Variants in FBXL17 observed in about 807,000 individuals in gnomAD.
FBXL17 encodes the protein F-box/LRR-repeat protein 17.
In FBXL17, 22 loss-of-function variants were observed where a neutral mutation model predicts 66.2. The observed-to-expected ratio is 0.33, with a 90% confidence interval of 0.24 to 0.47. The LOEUF (loss-of-function observed/expected upper bound fraction) is 0.47. Ranked by LOEUF, FBXL17 falls within the 20% of genes least tolerant of loss-of-function variation. FBXL17 has a pLI of 1.00. For synonymous variants in FBXL17, 474 were observed against 400.5 expected (o/e 1.18, Z -2.19); for missense variants, 878 against 948.2 (o/e 0.93, Z 0.97).
intron 7 of FBXL17, among the ~76,000 whole-genome samples, chr5:107,886,274 T>C (rs901246949): frequency 1.3e-5 from 2 of 151,908 alleles, no homozygotes; most frequent in African/African-American, 4.8e-5. Flanking sequence ...AATAAGAAAA[T>C]AGGAGAGGCA....
chr5:108,163,057 G>GA (rs1222473596), intron 6 of FBXL17, among the ~76,000 whole-genome samples: 1 of 152,044 alleles, frequency 6.6e-6, no homozygotes, highest in African/African-American at 2.4e-5. Flanking sequence ...AACTACATCA[G>GA]AAAAAAGTCA....
At chr5:108,094,431 AC>A (rs1313338138) in intron 6 of FBXL17, among the ~76,000 whole-genome samples, 1 of 152,146 alleles carries the variant, frequency 6.6e-6, no homozygotes, top group Non-Finnish European at 1.5e-5. Flanking sequence ...AGTGTTGAAC[AC>A]CATGTAACCA....
At chr5:107,952,996 G>A (rs1409665826) in intron 7 of FBXL17, among the ~76,000 whole-genome samples, 1 of 152,056 alleles carries the variant, frequency 6.6e-6, no homozygotes, top group Non-Finnish European at 1.5e-5. Context: ...CAGGTCAGAT[G>A]TACTTTTGTA....
intron 4 of FBXL17, among the ~76,000 whole-genome samples, chr5:108,276,769 A>G (rs562105198): frequency 6.6e-6 from 1 of 152,282 alleles, no homozygotes; most frequent in East Asian, 1.9e-4. Flanking sequence ...AAGACCACTC[A>G]AGAAAAAAAA....
intron 4 of FBXL17, among the ~76,000 whole-genome samples, chr5:108,237,448 G>A (rs1755656704): frequency 1.3e-5 from 2 of 152,262 alleles, no homozygotes; most frequent in Non-Finnish European, 2.9e-5. Context: ...AGAACCAAAA[G>A]CAAGTTTGAA....
intron 6 of FBXL17, among the ~76,000 whole-genome samples, chr5:108,138,324 CT>C (rs1561428815): frequency 6.6e-6 from 1 of 152,194 alleles, no homozygotes; most frequent in Non-Finnish European, 1.5e-5. Context: ...TGGCTTCACT[CT>C]AAATTTGCAT....
intron 6 of FBXL17, among the ~76,000 whole-genome samples, chr5:108,163,546 G>A (rs558272631): frequency 2.0e-5 from 3 of 152,052 alleles, no homozygotes; most frequent in South Asian, 2.1e-4. Flanking sequence ...GACTACAGGC[G>A]TCCGCCACTA....
chr5:107,869,806 T>C (rs1207213382), intron 8 of FBXL17, among the ~76,000 whole-genome samples: 1 of 152,204 alleles, frequency 6.6e-6, no homozygotes, highest in Non-Finnish European at 1.5e-5. Context: ...TTGGATCCTT[T>C]GTTCTCTCGT....
intron 1 of FBXL17, among the ~76,000 whole-genome samples, chr5:108,379,730 A>AT (rs1749707866): frequency 6.6e-6 from 1 of 152,186 alleles, no homozygotes; most frequent in Non-Finnish European, 1.5e-5. Flanking sequence ...GGGAGAAGAG[A>AT]GAAAAGGAGG....
At chr5:107,865,211 T>C (rs1748238783) in intron 8 of FBXL17, among the ~76,000 whole-genome samples, 1 of 152,254 alleles carries the variant, frequency 6.6e-6, no homozygotes, top group Admixed American at 6.5e-5. Flanking sequence ...TACAGAGTTT[T>C]GTACCTAGGG....
At chr5:108,034,037 C>A (rs1746744937) in intron 6 of FBXL17, among the ~76,000 whole-genome samples, 1 of 152,020 alleles carries the variant, frequency 6.6e-6, no homozygotes, top group African/African-American at 2.4e-5. Context: ...AAACCCCATG[C>A]AATAGCTTTC....
intron 4 of FBXL17, among the ~76,000 whole-genome samples, chr5:108,251,681 T>C (rs1361972094): frequency 2.0e-5 from 3 of 152,074 alleles, no homozygotes; most frequent in South Asian, 2.1e-4. Context: ...GCTATAATCA[T>C]AGACAATTTG....
chr5:108,355,539 T>C (rs1241242880), intron 3 of FBXL17, among the ~76,000 whole-genome samples: 1 of 152,054 alleles, frequency 6.6e-6, no homozygotes, highest in African/African-American at 2.4e-5. Flanking sequence ...TGCCTCAGCC[T>C]CCCAAAGTGC....
chr5:107,892,491 T>C (rs1749229093), intron 7 of FBXL17, among the ~76,000 whole-genome samples: 1 of 152,154 alleles, frequency 6.6e-6, no homozygotes, highest in Non-Finnish European at 1.5e-5. Flanking sequence ...AGTTTTATTT[T>C]TACAAAGTAA....
intron 6 of FBXL17, among the ~76,000 whole-genome samples, chr5:108,165,923 C>T (rs1368823095): frequency 6.6e-6 from 1 of 152,140 alleles, no homozygotes; most frequent in African/African-American, 2.4e-5. Flanking sequence ...TCCACAAACA[C>T]ACTTAAGTGC....
intron 5 of FBXL17, among the ~76,000 whole-genome samples, chr5:108,214,935 C>A (rs6879038): frequency 0.056 from 8,496 of 152,198 alleles, 802 homozygotes; most frequent in African/African-American, 0.19. Context: ...ATATTCTGGA[C>A]ATTTCATATA....
chr5:108,299,387 A>T, intron 4 of FBXL17: 1 of 981,212 alleles, frequency 1.0e-6, no homozygotes, highest in Non-Finnish European at 1.2e-6. Context: ...ACGTTTTCAT[A>T]TCAACACAAG....
rs142925491 is a variant in FBXL17, at chr5:107,973,235, T to C, written c.1822+47690A>G. 6.8e-4 allele frequency among the ~76,000 whole-genome samples: 103 copies of C among 152,272 alleles called. No individual in the cohort carries two copies. In the East Asian group the frequency reaches 0.019, roughly 28 times the overall value. On this transcript the variant is annotated intron_variant, in intron 7 of 8. Coordinates refer to ENST00000542267, the MANE Select transcript of FBXL17 (RefSeq NM_001163315.3). ...AGCAAAGCTAGCCTTTTCAGCCTTG[T>C]TTTAGAGCAAGCTTGTCCAACCTGT...
chr5:108,320,794 T>C (rs1424011296), intron 4 of FBXL17, among the ~76,000 whole-genome samples: 2 of 151,814 alleles, frequency 1.3e-5, no homozygotes, highest in East Asian at 3.9e-4. Context: ...ATTTTCAGCA[T>C]ATTATCATAT....
Sources: gnomAD v4.1 joint callset for allele counts (sites outside exome capture counted in the v4.1 genomes callset) on GRCh38, gnomAD v4.1.1 for gene constraint, MANE v1.5 for transcripts, NCBI Gene and HGNC (gene_info 2026-07-23, HGNC 2026-07-21) for gene names.